PIP5K1C: variants seen among roughly 807,000 people sequenced by gnomAD.
PIP5K1C encodes phosphatidylinositol-4-phosphate 5-kinase type 1 gamma, also known as phosphatidylinositol 4-phosphate 5-kinase type-1 gamma.
In PIP5K1C, 45 loss-of-function variants were observed where a neutral mutation model predicts 80.1. The ratio of observed to expected loss-of-function variants is 0.56; its 90% CI spans 0.44 to 0.72. The LOEUF (loss-of-function observed/expected upper bound fraction) is 0.72. PIP5K1C is among the 30% of genes least tolerant of loss of function. The pLI is 0.00. For missense variants in PIP5K1C, 753 were observed against 954.6 expected (o/e 0.79, Z 2.78); for synonymous variants, 498 against 420.1 (o/e 1.19, Z -2.27).
intron 1 of PIP5K1C, among the ~76,000 whole-genome samples, chr19:3,686,979 G>T (rs189580310): frequency 6.6e-6 from 1 of 152,136 alleles, no homozygotes; most frequent in East Asian, 1.9e-4. Context: ...GATAGCCTAA[G>T]GTCGGCAGTT....
At chr19:3,680,936 C>T (rs2035571147) in intron 1 of PIP5K1C, among the ~76,000 whole-genome samples, 1 of 152,136 alleles carries the variant, frequency 6.6e-6, no homozygotes, top group Non-Finnish European at 1.5e-5. Flanking sequence ...ATAAAGTAGG[C>T]GGAGGCCAGC....
rs775764031 is a variant in PIP5K1C at position 3,644,236 on chromosome 19, G to A, written c.1361C>T (p.Pro454Leu). Reference protein sequence around the residue: ...FRKNSSLKSSPSKKGRGGALL... With the variant: ...FRKNSSLKSSLSKKGRGGALL... ...GGCTCCGCCGCGCCCCTTCTTGGAGGGCGAGGACTTCAGGGCTGCAGGGAA... is the reference window on the plus strand; with the variant it reads ...GGCTCCGCCGCGCCCCTTCTTGGAGAGCGAGGACTTCAGGGCTGCAGGGAA... The change falls in exon 12 of 18, where the codon CCC (proline) becomes CTC (leucine). Residue 454 changes from proline to leucine, a missense_variant. Around this residue, in one of 6 missense-constraint regions of PIP5K1C, gnomAD observed 114 missense variants for 152.4 expected, o/e 0.75. Transcript: ENST00000335312. 1.9e-6 allele frequency: 3 copies of A among 1,612,220 alleles called. No homozygotes were observed. The highest frequency in any genetic ancestry group is 1.7e-5 in the Admixed American group (1 of 59,992).
chr19:3,690,998 A>T (rs550327160), intron 1 of PIP5K1C, among the ~76,000 whole-genome samples: 4 of 152,240 alleles, frequency 2.6e-5, no homozygotes, highest in Non-Finnish European at 4.4e-5. Context: ...CCAGCTCTTG[A>T]TAGAAACACA....
Position 3,692,004 on chromosome 19 carries a change from A to C in PIP5K1C, c.94+8293T>G, listed in dbSNP as rs2035964983. ...CTGCCCCAGCAGCCCCGCCCATGTC[A>C]GCGCATGCACCGTGGCCAGTCCAAG... On this transcript the variant is annotated intron_variant, in intron 1 of 17. Transcript: ENST00000335312. This position sits in a 1 kb window ranked among gnomAD's most constrained non-coding sequence, Gnocchi z 5.2. Among the ~76,000 whole-genome samples, 1 of 152,066 alleles carries C rather than the reference A, an allele frequency of 6.6e-6. No homozygotes were observed.
intron 1 of PIP5K1C, among the ~76,000 whole-genome samples, chr19:3,676,869 G>A (rs1358730540): frequency 6.6e-6 from 1 of 152,202 alleles, no homozygotes; most frequent in African/African-American, 2.4e-5. Flanking sequence ...GGAGGCTGAG[G>A]CAGGAGGACG....
intron 1 of PIP5K1C, among the ~76,000 whole-genome samples, chr19:3,697,630 G>A (rs1390730759): frequency 2.6e-5 from 4 of 152,222 alleles, no homozygotes; most frequent in Admixed American, 6.5e-5. Flanking sequence ...CAGATCAGCC[G>A]TGGAAGTGGG....
At chr19:3,671,546 T>C (rs1172227050) in intron 1 of PIP5K1C, among the ~76,000 whole-genome samples, 3 of 151,552 alleles carry the variant, frequency 2.0e-5, no homozygotes, top group East Asian at 3.9e-4. Flanking sequence ...GCCTGTAGGG[T>C]TAAGGGACTG....
At chr19:3,635,091 A>G (rs1287933013) in intron 16 of PIP5K1C, among the ~76,000 whole-genome samples, 4 of 152,226 alleles carry the variant, frequency 2.6e-5, no homozygotes, top group African/African-American at 9.6e-5. Context: ...GGGGACTTGA[A>G]AATGTGGGGC....
At chr19:3,684,294 C>T (rs901178721) in intron 1 of PIP5K1C, among the ~76,000 whole-genome samples, 3 of 152,206 alleles carry the variant, frequency 2.0e-5, no homozygotes, top group Non-Finnish European at 4.4e-5. Context: ...CACACATCAT[C>T]CAGCGCACAA....
intron 2 of PIP5K1C, among the ~76,000 whole-genome samples, chr19:3,666,873 A>T (rs2035029828): frequency 6.6e-6 from 1 of 152,270 alleles, no homozygotes; most frequent in African/African-American, 2.4e-5. Flanking sequence ...TGTGTGGCTC[A>T]CAGACACTGA....
At chr19:3,638,606 G>A (rs189023274) in intron 16 of PIP5K1C, among the ~76,000 whole-genome samples, 3 of 152,032 alleles carry the variant, frequency 2.0e-5, no homozygotes, top group Non-Finnish European at 4.4e-5. Context: ...CGGGGAAGGG[G>A]ACAGGGGTGG....
chr19:3,665,555 C>T (rs111804792), intron 2 of PIP5K1C, among the ~76,000 whole-genome samples: 16 of 152,222 alleles, frequency 1.1e-4, no homozygotes, highest in African/African-American at 2.9e-4. Flanking sequence ...TCTCACCCAC[C>T]GCCTGAGGTG....
chr19:3,695,516 C>T (rs533609683), intron 1 of PIP5K1C, among the ~76,000 whole-genome samples: 23 of 152,342 alleles, frequency 1.5e-4, no homozygotes, highest in Admixed American at 5.2e-4. Flanking sequence ...ACATCCCCGG[C>T]TGGCATGCAA....
In PIP5K1C at chr19:3,637,638, C is replaced by T; in HGVS notation, c.1920+1246G>A. 4.6e-6 allele frequency: 7 copies of T among 1,515,120 alleles called. No individual in the cohort carries two copies. Among genetic ancestry groups the T allele is most frequent in the Non-Finnish European group, 5.3e-6 (6 of 1,134,126 alleles). The allele number at this position is 1,515,120 out of a possible 1,614,324, so 93.9% of individuals were successfully genotyped here. A position where few individuals can be genotyped will look rare whatever the true frequency, so the allele number is the denominator to read the frequency against. ...ACTGGACGGGGCGGGCCGGGTGGGC[C>T]GGAGGAGGAAGGAAAACAGAGGACA... On this transcript the variant is annotated intron_variant, in intron 16 of 17. Coordinates refer to ENST00000335312, the MANE Select transcript of PIP5K1C (RefSeq NM_012398.3). The surrounding 1 kb of genome is among the most constrained non-coding windows in gnomAD (Gnocchi z 7.0).
intron 1 of PIP5K1C, among the ~76,000 whole-genome samples, chr19:3,698,450 A>G (rs1370505885): frequency 2.0e-5 from 3 of 152,190 alleles, no homozygotes; most frequent in South Asian, 2.1e-4. Context: ...ATACCAACAT[A>G]GGGTGGGGAG....
At position 3,646,073 on chromosome 19, in the gene PIP5K1C, G is replaced by C. The variant is rs45455692; in HGVS notation, c.1261-15C>G. ...GACACCGTGTCCTGGAAGAGAGTTG[G>C]GGGGGGTGCCCGGGGGCAGAGGGTG... is the stretch of plus-strand genomic sequence containing the variant. On this transcript the variant is annotated splice_polypyrimidine_tract_variant and intron_variant, in intron 10 of 17. Coordinates refer to ENST00000335312, the MANE Select transcript of PIP5K1C (RefSeq NM_012398.3). 3.5e-5 allele frequency: 56 copies of C among 1,585,450 alleles called. No individual in the cohort carries two copies. The highest frequency in any genetic ancestry group is 5.4e-5 in the African/African-American group (4 of 74,302).
intron 1 of PIP5K1C, among the ~76,000 whole-genome samples, chr19:3,683,197 C>T (rs1173729037): frequency 3.3e-5 from 5 of 152,136 alleles, no homozygotes; most frequent in Non-Finnish European, 4.4e-5. Context: ...GCCATGAGCC[C>T]GGCCAGGGCA....
rs372817010 is a variant in PIP5K1C at position 3,659,160 on chromosome 19, C to T, written c.468+1806G>A. Reference sequence around the variant, plus strand: ...AGTCCCCTCCGAACCCTACCTGTCCCCACTCAAGCTCAGGGGCCCTGTGGA... The same window carrying T: ...AGTCCCCTCCGAACCCTACCTGTCCTCACTCAAGCTCAGGGGCCCTGTGGA... On this transcript the variant is annotated intron_variant, in intron 5 of 17. Coordinates refer to ENST00000335312, the MANE Select transcript of PIP5K1C (RefSeq NM_012398.3). 1.6e-4 allele frequency among the ~76,000 whole-genome samples: 24 copies of T among 152,340 alleles called. No individual in the cohort carries two copies. In the East Asian group the frequency reaches 4.6e-3, roughly 29 times the overall value.
intron 10 of PIP5K1C, among the ~76,000 whole-genome samples, chr19:3,646,365 T>C (rs1476906800): frequency 6.6e-6 from 1 of 152,120 alleles, no homozygotes; most frequent in Non-Finnish European, 1.5e-5. Flanking sequence ...CCACGTGGAC[T>C]TGTAGGGGAG....
Sources: gnomAD v4.1 joint callset for allele counts (sites outside exome capture counted in the v4.1 genomes callset) on GRCh38, gnomAD v4.1.1 for gene constraint, gnomAD v4.1.1 regional missense constraint, Gnocchi (gnomAD v3.1) non-coding constraint, MANE v1.5 for transcripts, NCBI Gene and HGNC (gene_info 2026-07-23, HGNC 2026-07-21) for gene names.